VAV3: variants seen among roughly 807,000 people sequenced by gnomAD.
VAV3 encodes guanine nucleotide exchange factor VAV3.
A neutral mutation model predicts 131.2 loss-of-function variants in VAV3; 94 were observed. The ratio of observed to expected loss-of-function variants is 0.72; its 90% CI spans 0.61 to 0.85. The LOEUF is 0.85. Ranked by LOEUF, VAV3 falls within the 40% of genes least tolerant of loss-of-function variation. The probability of loss-of-function intolerance (pLI) is 0.00; values close to 1 mark genes in which losing one functional copy is unlikely to be tolerated. For missense variants in VAV3, 939 were observed against 1,002.7 expected (o/e 0.94, Z 0.86); for synonymous variants, 349 against 342.0 (o/e 1.02, Z -0.22).
chr1:107,621,220 C>T (rs533943517), intron 20 of VAV3, among the ~76,000 whole-genome samples: 2 of 152,028 alleles, frequency 1.3e-5, no homozygotes, highest in African/African-American at 4.8e-5. Flanking sequence ...CAGTTCAGGT[C>T]CCATTTCTTA....
At chr1:107,593,775 A>C (rs987357350) in intron 25 of VAV3, among the ~76,000 whole-genome samples, 3 of 152,130 alleles carry the variant, frequency 2.0e-5, no homozygotes, top group Non-Finnish European at 4.4e-5. Context: ...TATTTAAAAA[A>C]TCATAAAGGC....
chr1:107,941,154 A>G (rs1264275859), intron 1 of VAV3, among the ~76,000 whole-genome samples: 1 of 152,150 alleles, frequency 6.6e-6, no homozygotes, highest in Non-Finnish European at 1.5e-5. Flanking sequence ...AGAAATTTGC[A>G]GTGGTGGCAA....
At chr1:107,662,418 T>A (rs373845048) in intron 19 of VAV3, among the ~76,000 whole-genome samples, 1 of 152,144 alleles carries the variant, frequency 6.6e-6, no homozygotes, top group African/African-American at 2.4e-5. Context: ...GAAAAAAAAA[T>A]ATCTGCCTCA....
intron 1 of VAV3, among the ~76,000 whole-genome samples, chr1:107,897,671 A>G (rs943013157): frequency 6.6e-6 from 1 of 152,124 alleles, no homozygotes; most frequent in Non-Finnish European, 1.5e-5. Context: ...CAGTAAGTGC[A>G]TAAACCATAG....
chr1:107,643,491 G>C (rs1655508852), intron 19 of VAV3, among the ~76,000 whole-genome samples: 1 of 152,138 alleles, frequency 6.6e-6, no homozygotes, highest in Non-Finnish European at 1.5e-5. Flanking sequence ...AGCAATACTG[G>C]TCACAATGGA....
chr1:107,775,515 T>G (rs1281890801), intron 4 of VAV3, among the ~76,000 whole-genome samples: 1 of 127,720 alleles, frequency 7.8e-6, no homozygotes, highest in African/African-American at 3.0e-5. Context: ...GAGGTGGAGG[T>G]TGCAGTGAGC....
At chr1:107,602,041 C>A (rs1570592296) in intron 24 of VAV3, among the ~76,000 whole-genome samples, 1 of 152,050 alleles carries the variant, frequency 6.6e-6, no homozygotes, top group East Asian at 1.9e-4. Flanking sequence ...TTACTAATTA[C>A]AACTTTTTGT....
intron 20 of VAV3, among the ~76,000 whole-genome samples, chr1:107,625,728 CATGA>C (rs934388751): frequency 6.6e-6 from 1 of 152,160 alleles, no homozygotes; most frequent in Non-Finnish European, 1.5e-5. Context: ...TTCAAATTAT[CATGA>C]ATAATTAAAA....
intron 17 of VAV3, among the ~76,000 whole-genome samples, chr1:107,703,781 A>G (rs1007613630): frequency 3.3e-5 from 5 of 152,214 alleles, no homozygotes; most frequent in African/African-American, 1.2e-4. Context: ...TTGTGTTCAA[A>G]AGTTTTACTG....
At chr1:107,668,818 TAC>T in intron 19 of VAV3, 1 of 985,516 alleles carries the variant, frequency 1.0e-6, no homozygotes, top group Non-Finnish European at 1.2e-6. Flanking sequence ...AGGAGAAACA[TAC>T]AGTTTTGATT....
chr1:107,580,755 G>A (rs1223235778), intron 25 of VAV3, among the ~76,000 whole-genome samples: 1 of 152,098 alleles, frequency 6.6e-6, no homozygotes, highest in Admixed American at 6.5e-5. Context: ...AGGAAAGTAT[G>A]GATTTAAACC....
In VAV3 at chr1:107,571,237, T is replaced by G. The variant is rs571262744; in HGVS notation, c.*2094A>C. ...TGAAATACCACTCTAATTCACCGTATTACACGAGGGCTGCATACAGGCAAG... is the reference window on the plus strand; with the variant it reads ...TGAAATACCACTCTAATTCACCGTAGTACACGAGGGCTGCATACAGGCAAG... On this transcript the variant is annotated 3_prime_UTR_variant, in exon 27 of 27. Transcript: ENST00000370056. The G allele has an allele frequency of 2.6e-5, 4 of 152,786 alleles. No homozygotes were observed. The South Asian group carries it at 8.3e-4, about 32-fold the overall frequency. The allele number at this position is 152,786 out of a possible 1,614,324, so 9.5% of individuals were successfully genotyped here. A position where few individuals can be genotyped will look rare whatever the true frequency, so the allele number is the denominator to read the frequency against.
chr1:107,648,974 G>A (rs1271079830), intron 19 of VAV3, among the ~76,000 whole-genome samples: 2 of 151,932 alleles, frequency 1.3e-5, no homozygotes, highest in African/African-American at 4.8e-5. Context: ...GAACAACTGA[G>A]AGCTCACCAA....
intron 2 of VAV3, among the ~76,000 whole-genome samples, chr1:107,857,039 C>T (rs1252098872): frequency 6.6e-6 from 1 of 151,342 alleles, no homozygotes; most frequent in Non-Finnish European, 1.5e-5. Context: ...ATGGTTAATA[C>T]TGAATATCAA....
At chr1:107,916,788 G>T (rs918863097) in intron 1 of VAV3, among the ~76,000 whole-genome samples, 1 of 152,108 alleles carries the variant, frequency 6.6e-6, no homozygotes. Context: ...GTGAATGAAT[G>T]AATTAATACG....
At chr1:107,902,899 T>C (rs1452954369) in intron 1 of VAV3, among the ~76,000 whole-genome samples, 1 of 152,214 alleles carries the variant, frequency 6.6e-6, no homozygotes, top group African/African-American at 2.4e-5. Flanking sequence ...TTCCCAGCCA[T>C]GGATACTGAT....
intron 2 of VAV3, among the ~76,000 whole-genome samples, chr1:107,813,528 A>C (rs1667420953): frequency 6.6e-6 from 1 of 152,238 alleles, no homozygotes; most frequent in African/African-American, 2.4e-5. Flanking sequence ...ATATTTTGTT[A>C]CCACCATAGA....
At chr1:107,945,653 C>T (rs992969202) in intron 1 of VAV3, among the ~76,000 whole-genome samples, 2 of 151,916 alleles carry the variant, frequency 1.3e-5, no homozygotes, top group African/African-American at 4.8e-5. Context: ...GAAACCCCAT[C>T]TCTACTAAAA....
intron 26 of VAV3, 68 bp from the exon 27 acceptor site, chr1:107,573,440 CAGAGT>C (rs1170078997): frequency 1.9e-6 from 3 of 1,594,874 alleles, no homozygotes; most frequent in Non-Finnish European, 2.6e-6. Flanking sequence ...ATTCTACAAA[CAGAGT>C]ATTTTGTTTT....
Sources: allele counts gnomAD v4.1 joint callset (sites outside exome capture counted in the v4.1 genomes callset), GRCh38; gene constraint gnomAD v4.1.1; transcripts MANE v1.5; gene names NCBI Gene and HGNC (gene_info 2026-07-23, HGNC 2026-07-21).